The following GPR176 variants were observed in gnomAD, a reference collection of about 807,000 sequenced individuals.
GPR176 encodes the protein G-protein coupled receptor 176.
GPR176 carries 26 observed loss-of-function variants against 35.4 expected under a neutral mutation model. That is an observed-to-expected ratio of 0.74 (90% CI 0.54 to 1.02). GPR176 has a LOEUF of 1.02. Ranked by LOEUF, GPR176 falls within the 50% of genes least tolerant of loss-of-function variation. The pLI is 0.00. For synonymous variants in GPR176, 278 were observed against 271.3 expected, an observed-to-expected ratio of 1.02 and a Z score of -0.24; for missense variants, 597 against 665.3, an observed-to-expected ratio of 0.90 and a Z score of 1.13.
chr15:39,893,243 C>G (rs991848633), intron 1 of GPR176, among the ~76,000 whole-genome samples: 2 of 152,084 alleles, frequency 1.3e-5, no homozygotes, highest in African/African-American at 4.8e-5. Flanking sequence ...AGGCAGAGGG[C>G]CCTGCAGCCT....
At chr15:39,919,623 T>C (rs2033820524) in intron 1 of GPR176, among the ~76,000 whole-genome samples, 1 of 152,170 alleles carries the variant, frequency 6.6e-6, no homozygotes, top group African/African-American at 2.4e-5. Context: ...TCCCGCTCCA[T>C]CCTCGGGCCA....
Position 39,824,441 on chromosome 15 carries a change from C to T in GPR176, c.173-17183G>A, listed in dbSNP as rs188621548. ...TAGGTCTTCTTCCAAGAAACCCTCC[C>T]TCACCACCAGAACCACCAATGCACA... is the stretch of plus-strand genomic sequence containing the variant. On this transcript the variant is annotated intron_variant, in intron 1 of 2. Transcript: ENST00000561100. Among the ~76,000 whole-genome samples the T allele has an allele frequency of 2.9e-3, 440 of 152,354 alleles. 1 individual carries two copies. Among genetic ancestry groups the T allele is most frequent in the Non-Finnish European group, 3.7e-3 (250 of 68,038 alleles).
chr15:39,811,375 C>T (rs933680576), intron 1 of GPR176, among the ~76,000 whole-genome samples: 1 of 152,096 alleles, frequency 6.6e-6, no homozygotes, highest in African/African-American at 2.4e-5. Flanking sequence ...GTATTAAAAT[C>T]TGCCATCCTG....
intron 1 of GPR176, among the ~76,000 whole-genome samples, chr15:39,893,311 G>A (rs368759829): frequency 6.6e-5 from 10 of 151,850 alleles, no homozygotes; most frequent in Admixed American, 4.6e-4. Flanking sequence ...GACTCTTAAC[G>A]AGCATGCTGC....
chr15:39,871,817 G>A (rs892141457), intron 1 of GPR176, among the ~76,000 whole-genome samples: 1 of 152,150 alleles, frequency 6.6e-6, no homozygotes, highest in African/African-American at 2.4e-5. Flanking sequence ...AAGTCAACCT[G>A]CCTGGGAATC....
chr15:39,883,988 T>A (rs1325236121), intron 1 of GPR176, among the ~76,000 whole-genome samples: 1 of 152,152 alleles, frequency 6.6e-6, no homozygotes, highest in African/African-American at 2.4e-5. Context: ...GGTAACAGAT[T>A]TATGGACGGA....
rs562012585 is a variant in GPR176 at position 39,913,912 on chromosome 15, G to A, written c.172+5943C>T. The stretch of plus-strand genomic sequence containing the variant: ...ATACAAAACATTAGCCGGGCATGGT[G>A]GTGGGTGCCTGTAGTCCCAGCTGCT... On this transcript the variant is annotated intron_variant, in intron 1 of 2. Coordinates refer to ENST00000561100, the MANE Select transcript of GPR176 (RefSeq NM_007223.3). Among the ~76,000 whole-genome samples, 1,018 of 152,276 alleles carry A rather than the reference G, an allele frequency of 6.7e-3. 11 individuals are homozygous for A. Among genetic ancestry groups the A allele is most frequent in the Non-Finnish European group, 8.8e-3 (599 of 68,024 alleles).
chr15:39,850,310 C>T (rs1341007862), intron 1 of GPR176, among the ~76,000 whole-genome samples: 2 of 152,156 alleles, frequency 1.3e-5, no homozygotes, highest in Non-Finnish European at 2.9e-5. Flanking sequence ...CTAAAGGGGC[C>T]ACCATCATAT....
intron 1 of GPR176, among the ~76,000 whole-genome samples, chr15:39,889,211 T>C (rs1013615534): frequency 2.6e-5 from 4 of 152,262 alleles, no homozygotes; most frequent in East Asian, 3.9e-4. Context: ...GCTTTACAAC[T>C]AGGAAAACTA....
chr15:39,833,263 A>T (rs567473168), intron 1 of GPR176, among the ~76,000 whole-genome samples: 1 of 152,354 alleles, frequency 6.6e-6, no homozygotes, highest in East Asian at 1.9e-4. Context: ...ATGTTCATCA[A>T]GAGATGAATG....
At chr15:39,803,104 T>C (rs976402449) in intron 2 of GPR176, among the ~76,000 whole-genome samples, 1 of 152,120 alleles carries the variant, frequency 6.6e-6, no homozygotes, top group Admixed American at 6.5e-5. Context: ...GAACCACATC[T>C]GTAGTAAAAG....
chr15:39,823,127 T>G (rs1300506177), intron 1 of GPR176, among the ~76,000 whole-genome samples: 1 of 152,226 alleles, frequency 6.6e-6, no homozygotes, highest in African/African-American at 2.4e-5. Context: ...GCCCCAGTCT[T>G]GACCCTTCTC....
chr15:39,876,995 T>C (rs1048640042), intron 1 of GPR176, among the ~76,000 whole-genome samples: 7 of 152,196 alleles, frequency 4.6e-5, no homozygotes, highest in Admixed American at 1.3e-4. Context: ...AACTCACAAA[T>C]AGAGCCTTCT....
chr15:39,828,602 C>T (rs940144200), intron 1 of GPR176, among the ~76,000 whole-genome samples: 1 of 152,272 alleles, frequency 6.6e-6, no homozygotes, highest in East Asian at 1.9e-4. Context: ...ATCAAAGGTG[C>T]CAGACGTGGT....
intron 1 of GPR176, chr15:39,815,429 T>G (rs1490431128): frequency 6.6e-6 from 1 of 152,284 alleles, no homozygotes; most frequent in Non-Finnish European, 1.5e-5. Flanking sequence ...TGGGCAACTG[T>G]GGCAAACTCA....
At position 39,919,977 on chromosome 15, in the gene GPR176, T is replaced by C. The variant is rs1293261954; in HGVS notation, c.50A>G (p.Asn17Ser). 2 of 1,471,726 alleles carry C rather than the reference T, an allele frequency of 1.4e-6. No individual in the cohort carries two copies. The highest frequency in any genetic ancestry group is 1.5e-5 in the African/African-American group (1 of 68,238). 91.2% of individuals were successfully genotyped at this position (1,471,726 alleles called of 1,614,324 possible). A position where few individuals can be genotyped will look rare whatever the true frequency, so the allele number is the denominator to read the frequency against. The change falls in exon 1 of 3, where the codon AAC becomes AGC. Residue 17 changes from asparagine to serine, a missense_variant. Physicochemically the swap from Asn to Ser is conservative, Grantham distance 46. Coordinates refer to ENST00000561100, the MANE Select transcript of GPR176 (RefSeq NM_007223.3). ...ACCCGCAGCCTCGGCGCCGGACGCG[T>C]TGTGCGGCTCGCTGGCATTTGGAGA... ...WISPNASEPH[N>S]ASGAEAAGVN...
At chr15:39,856,829 A>G (rs774357424) in intron 1 of GPR176, among the ~76,000 whole-genome samples, 4 of 152,224 alleles carry the variant, frequency 2.6e-5, no homozygotes, top group Non-Finnish European at 5.9e-5. Context: ...AACATGGACT[A>G]TGACTTGTTC....
intron 1 of GPR176, among the ~76,000 whole-genome samples, chr15:39,887,517 GA>G (rs948354453): frequency 6.7e-6 from 1 of 149,828 alleles, no homozygotes; most frequent in African/African-American, 2.5e-5. Flanking sequence ...TCCAACAGGT[GA>G]AAAACAGCAA....
intron 2 of GPR176, 72 bp downstream of exon 2, chr15:39,806,934 C>G (rs1899228529): frequency 1.4e-6 from 2 of 1,402,068 alleles, no homozygotes; most frequent in African/African-American, 1.4e-5. Flanking sequence ...GACTACTCAT[C>G]ATTTGCTTCA....
Sources: allele counts gnomAD v4.1 joint callset (sites outside exome capture counted in the v4.1 genomes callset), GRCh38; gene constraint gnomAD v4.1.1; transcripts MANE v1.5; gene names NCBI Gene and HGNC (gene_info 2026-07-23, HGNC 2026-07-21).